The following MYO10 variants were observed in gnomAD, a reference collection of about 807,000 sequenced individuals.
MYO10 encodes myosin X.
A neutral mutation model predicts 257.3 loss-of-function variants in MYO10; 133 were observed. That is an observed-to-expected ratio of 0.52 (90% CI 0.45 to 0.60). The LOEUF is 0.60. Ranked by LOEUF, MYO10 falls within the 20% of genes least tolerant of loss-of-function variation. MYO10 has a pLI of 0.00. For missense variants in MYO10, 2,399 were observed against 2,635.7 expected (o/e 0.91, Z 1.97); for synonymous variants, 1,104 against 1,028.6 (o/e 1.07, Z -1.40).
At chr5:16,935,226 G>A (rs1374336191) in intron 1 of MYO10, among the ~76,000 whole-genome samples, 1 of 152,094 alleles carries the variant, frequency 6.6e-6, no homozygotes, top group East Asian at 1.9e-4. Flanking sequence ...TTTGATCCCA[G>A]GGTCTGGAGT....
At chr5:16,687,391 G>A (rs1346424171) in intron 28 of MYO10, among the ~76,000 whole-genome samples, 1 of 150,962 alleles carries the variant, frequency 6.6e-6, no homozygotes, top group Non-Finnish European at 1.5e-5. Context: ...CAAAGCATCA[G>A]GAAAATGACT....
At position 16,889,354 on chromosome 5, in the gene MYO10, C is replaced by T. The variant is rs1459064426; in HGVS notation, c.22-11647G>A. Reference sequence around the variant, plus strand: ...CCAGGAGGCGGAGGTTGCGGTGAGCCGAGATCACGCCACTATACTCCAGCC... The same window carrying T: ...CCAGGAGGCGGAGGTTGCGGTGAGCTGAGATCACGCCACTATACTCCAGCC... On this transcript the variant is annotated intron_variant, in intron 1 of 40. Coordinates refer to ENST00000513610, the MANE Select transcript of MYO10 (RefSeq NM_012334.3). Among the ~76,000 whole-genome samples the T allele has an allele frequency of 3.3e-5, 5 of 151,466 alleles. No individual in the cohort carries two copies. The East Asian group carries it at 7.8e-4, about 24-fold the overall frequency.
At chr5:16,868,147 T>A (rs1744336838) in intron 2 of MYO10, among the ~76,000 whole-genome samples, 1 of 152,198 alleles carries the variant, frequency 6.6e-6, no homozygotes, top group African/African-American at 2.4e-5. Flanking sequence ...AGGTGAAAAA[T>A]CTAATTTAAA....
rs765445514 is a variant in MYO10, at chr5:16,674,900, G to A, written c.4917C>T (p.Phe1639=). The A allele has an allele frequency of 1.9e-6, 3 of 1,614,018 alleles. No homozygotes were observed. The highest frequency in any genetic ancestry group is 2.5e-6 in the Non-Finnish European group (3 of 1,179,896). Residue 1639 remains phenylalanine (F), a synonymous_variant, in exon 35 of 41, where the codon TTC becomes TTT. Coordinates refer to ENST00000513610, the MANE Select transcript of MYO10 (RefSeq NM_012334.3). ...ACTTGAGAATCCCTCGACTCGGCAG[G>A]AAGGTGCAGCTCAGGCATGTCAGGA... ...WQILTCLSCT[F]LPSRGILKYL...
chr5:16,862,284 T>C (rs113011742), intron 2 of MYO10, among the ~76,000 whole-genome samples: 2 of 152,230 alleles, frequency 1.3e-5, no homozygotes, highest in African/African-American at 2.4e-5. Context: ...GATGCCTGGA[T>C]AGGTCTTTGC....
chr5:16,834,808 T>C (rs964694613), intron 2 of MYO10, among the ~76,000 whole-genome samples: 8 of 152,152 alleles, frequency 5.3e-5, no homozygotes, highest in Non-Finnish European at 1.2e-4. Context: ...ATGGAATGAG[T>C]CCTAGCTTTA....
chr5:16,850,915 C>T (rs1372675507), intron 2 of MYO10, among the ~76,000 whole-genome samples: 1 of 152,038 alleles, frequency 6.6e-6, no homozygotes, highest in Non-Finnish European at 1.5e-5. Context: ...AATTCTCCTG[C>T]CTCCAAGTAG....
At chr5:16,724,747 T>A (rs1163066079) in intron 19 of MYO10, among the ~76,000 whole-genome samples, 4 of 152,018 alleles carry the variant, frequency 2.6e-5, no homozygotes, top group Admixed American at 6.6e-5. Context: ...AATGAAAAAA[T>A]AATACACGCA....
At chr5:16,806,853 C>T (rs781768728) in intron 3 of MYO10, among the ~76,000 whole-genome samples, 20 of 152,094 alleles carry the variant, frequency 1.3e-4, no homozygotes, top group Non-Finnish European at 2.2e-4. Context: ...TTCACTCCCC[C>T]GGGACTAAGA....
At chr5:16,725,787 CTTTTT>C (rs35020175) in intron 19 of MYO10, among the ~76,000 whole-genome samples, 8 of 138,282 alleles carry the variant, frequency 5.8e-5, no homozygotes, top group Non-Finnish European at 9.4e-5. Flanking sequence ...CAGGTACCCC[CTTTTT>C]TTTTTTTTTT....
intron 27 of MYO10, among the ~76,000 whole-genome samples, chr5:16,693,618 C>A (rs988295228): frequency 5.3e-5 from 8 of 152,216 alleles, no homozygotes; most frequent in Non-Finnish European, 1.5e-5. Flanking sequence ...TTAATTTGAT[C>A]CCTCAAAGAT....
chr5:16,796,216 A>AGAGC (rs1560989447), intron 3 of MYO10, among the ~76,000 whole-genome samples: 1 of 119,908 alleles, frequency 8.3e-6, no homozygotes, highest in African/African-American at 3.0e-5. Context: ...AAGAACAGAG[A>AGAGC]GAGAGCGAGA....
rs151131660 is a variant in MYO10, at chr5:16,743,834, A to G, written c.1929+10994T>C. Among the ~76,000 whole-genome samples the G allele has an allele frequency of 2.9e-3, 449 of 152,246 alleles. 2 individuals are homozygous for G. Among genetic ancestry groups the G allele is most frequent in the African/African-American group, 0.01 (434 of 41,532 alleles). ...AAGAACCATACAACACAGACAGTGG[A>G]CTCCTAATATCAACTTTGGACTTTA... On this transcript the variant is annotated intron_variant, in intron 19 of 40. Transcript: ENST00000513610.
chr5:16,681,424 G>A lies in MYO10; in HGVS notation c.4269C>T (p.His1423=), dbSNP rs913124158. The A allele has an allele frequency of 1.9e-6, 3 of 1,613,882 alleles. No individual in the cohort carries two copies. The highest frequency in any genetic ancestry group is 2.5e-6 in the Non-Finnish European group (3 of 1,179,878). The change falls in exon 32 of 41, where the codon CAC becomes CAT. Residue 1423 remains histidine (H), a synonymous_variant. Coordinates refer to ENST00000513610, the MANE Select transcript of MYO10 (RefSeq NM_012334.3). The part of the protein sequence containing the change: ...KLKKRWFVLT[H]NSLDYYKSSE... ...AACTCTTGTAGTAATCCAGGGAATT[G>A]TGGGTGAGTACAAACCACCGTTTCT... is the stretch of plus-strand genomic sequence containing the variant.
At chr5:16,862,193 T>A (rs899731838) in intron 2 of MYO10, among the ~76,000 whole-genome samples, 3 of 152,174 alleles carry the variant, frequency 2.0e-5, no homozygotes, top group Non-Finnish European at 2.9e-5. Flanking sequence ...GCACCCTGGG[T>A]TGGAACTCCA....
intron 19 of MYO10, among the ~76,000 whole-genome samples, chr5:16,744,076 G>C (rs1050153109): frequency 3.3e-5 from 5 of 151,996 alleles, no homozygotes; most frequent in Non-Finnish European, 7.4e-5. Context: ...AAAGACTAAA[G>C]GAAAAACTTT....
intron 19 of MYO10, among the ~76,000 whole-genome samples, chr5:16,750,903 G>A (rs1051431587): frequency 6.6e-6 from 1 of 152,180 alleles, no homozygotes; most frequent in South Asian, 2.1e-4. Context: ...GCTGAGGCAG[G>A]AGAATCGCTT....
chr5:16,849,287 G>A (rs1743730514), intron 2 of MYO10, among the ~76,000 whole-genome samples: 1 of 152,058 alleles, frequency 6.6e-6, no homozygotes, highest in Admixed American at 6.6e-5. Flanking sequence ...TAATATAATG[G>A]TTTTTCCACA....
intron 3 of MYO10, among the ~76,000 whole-genome samples, chr5:16,795,077 T>TCCCTGCTCCCCAGG (rs71595987): frequency 0.35 from 53,426 of 150,936 alleles, 10,590 homozygotes; most frequent in Non-Finnish European, 0.44. Flanking sequence ...CCAGGCCCAG[T>TCCCTGCTCCCCAGG]CCCTGCTCCC....
Sources: allele counts gnomAD v4.1 joint callset (sites outside exome capture counted in the v4.1 genomes callset), GRCh38; gene constraint gnomAD v4.1.1; transcripts MANE v1.5; gene names NCBI Gene and HGNC (gene_info 2026-07-23, HGNC 2026-07-21).